The following PLD5 variants were observed in gnomAD, a reference collection of about 807,000 sequenced individuals.
PLD5 encodes phospholipase D family member 5.
A neutral mutation model predicts 61.1 loss-of-function variants in PLD5; 36 were observed. That is an observed-to-expected ratio of 0.59 (90% CI 0.45 to 0.78). The LOEUF (loss-of-function observed/expected upper bound fraction) is 0.78. Ranked by LOEUF, PLD5 falls within the 30% of genes least tolerant of loss-of-function variation. The pLI is 0.00. For missense variants in PLD5, 515 were observed against 644.4 expected, an observed-to-expected ratio of 0.80 and a Z score of 2.17; for synonymous variants, 243 against 242.8, an observed-to-expected ratio of 1.00 and a Z score of -0.01.
chr1:242,292,409 T>A (rs921544112), intron 2 of PLD5, among the ~76,000 whole-genome samples: 23 of 152,186 alleles, frequency 1.5e-4, no homozygotes, highest in African/African-American at 5.3e-4. Flanking sequence ...GAAGCCCAGA[T>A]AAACCAAACA....
chr1:242,167,113 AAT>A (rs199764889), intron 5 of PLD5, among the ~76,000 whole-genome samples: 4,443 of 142,526 alleles, frequency 0.031, 146 homozygotes, highest in African/African-American at 0.087. Context: ...TAATAATAAT[AAT>A]AAATAGTAGC....
At chr1:242,439,035 T>C (rs1420180232) in intron 1 of PLD5, among the ~76,000 whole-genome samples, 1 of 152,220 alleles carries the variant, frequency 6.6e-6, no homozygotes, top group East Asian at 1.9e-4. Flanking sequence ...TTTAGTTCCC[T>C]CATGTTTGTT....
intron 9 of PLD5, among the ~76,000 whole-genome samples, chr1:242,100,234 G>T (rs1463314239): frequency 6.6e-6 from 1 of 152,146 alleles, no homozygotes; most frequent in Non-Finnish European, 1.5e-5. Flanking sequence ...GCAGGGATGG[G>T]ATAATTGGCT....
At chr1:242,161,311 C>T (rs1665806528) in intron 5 of PLD5, among the ~76,000 whole-genome samples, 1 of 151,988 alleles carries the variant, frequency 6.6e-6, no homozygotes, top group African/African-American at 2.4e-5. Flanking sequence ...TTTATAAAAC[C>T]ATCAGATCTC....
intron 4 of PLD5, among the ~76,000 whole-genome samples, chr1:242,258,672 G>T (rs1574625528): frequency 6.6e-6 from 1 of 152,166 alleles, no homozygotes; most frequent in South Asian, 2.1e-4. Context: ...TTTGAGGAAA[G>T]AATACAAGAT....
At position 242,256,046 on chromosome 1, in the gene PLD5, C is replaced by G. The variant is rs1266790904; in HGVS notation, c.607+9291G>C. Among the ~76,000 whole-genome samples the G allele has an allele frequency of 2.6e-5, 4 of 152,184 alleles. No individual in the cohort carries two copies. Among genetic ancestry groups the G allele is most frequent in the Non-Finnish European group, 4.4e-5 (3 of 68,038 alleles). On this transcript the variant is annotated intron_variant, in intron 4 of 9. Coordinates refer to ENST00000536534, the MANE Select transcript of PLD5 (RefSeq NM_001372062.1). The surrounding 1 kb of genome is among the most constrained non-coding windows in gnomAD (Gnocchi z 5.7). ...GGTCCCTGTGGCTATTGGTTATTCA[C>G]TAATATGGGTAAGGCTCTGTCTAAT...
intron 2 of PLD5, among the ~76,000 whole-genome samples, chr1:242,300,761 TTGCAGC>T (rs1675993700): frequency 1.3e-5 from 2 of 151,236 alleles, no homozygotes; most frequent in South Asian, 2.1e-4. Flanking sequence ...GGGACAAGGG[TTGCAGC>T]GGGAGAACAA....
chr1:242,097,192 T>C (rs1660316866), intron 9 of PLD5, among the ~76,000 whole-genome samples: 1 of 152,222 alleles, frequency 6.6e-6, no homozygotes. Flanking sequence ...CTATTGTGAA[T>C]AGTGCCACAA....
At chr1:242,492,522 C>A (rs1424577618) in intron 1 of PLD5, among the ~76,000 whole-genome samples, 109 of 122,316 alleles carry the variant, frequency 8.9e-4, no homozygotes, top group African/African-American at 8.4e-4. Context: ...AACTCCGTCT[C>A]AAAAAAAAAA....
intron 1 of PLD5, among the ~76,000 whole-genome samples, chr1:242,375,059 G>A (rs1350786483): frequency 6.6e-6 from 1 of 152,126 alleles, no homozygotes; most frequent in Non-Finnish European, 1.5e-5. Context: ...ACACCTGGCT[G>A]TCATTCCCTG....
intron 2 of PLD5, among the ~76,000 whole-genome samples, chr1:242,328,279 TTATA>T (rs1231195117): frequency 1.3e-5 from 2 of 151,784 alleles, no homozygotes; most frequent in South Asian, 2.1e-4. Context: ...CACATATATA[TTATA>T]TATATGTATG....
intron 5 of PLD5, among the ~76,000 whole-genome samples, chr1:242,194,566 A>ATATCTATCTATCTATCTATCTATCTATC (rs201221980): frequency 1.5e-4 from 19 of 124,056 alleles, no homozygotes; most frequent in Middle Eastern, 3.9e-3. Flanking sequence ...AGCTATCTCT[A>ATATCTATCTATCTATCTATCTATCTATC]TATCTATCTA....
At chr1:242,192,583 A>G (rs1256854258) in intron 5 of PLD5, among the ~76,000 whole-genome samples, 2 of 152,346 alleles carry the variant, frequency 1.3e-5, no homozygotes, top group East Asian at 3.9e-4. Flanking sequence ...TTTCCTCCAA[A>G]ACACTTTTCC....
chr1:242,443,178 G>T (rs1666354112), intron 1 of PLD5, among the ~76,000 whole-genome samples: 1 of 151,736 alleles, frequency 6.6e-6, no homozygotes, highest in Non-Finnish European at 1.5e-5. Context: ...TTCCCTATCA[G>T]GTATTTTATC....
At chr1:242,380,020 C>A (rs1479625541) in intron 1 of PLD5, among the ~76,000 whole-genome samples, 1 of 152,128 alleles carries the variant, frequency 6.6e-6, no homozygotes, top group African/African-American at 2.4e-5. Context: ...TGGCCTTTAG[C>A]CTAAGAACAA....
chr1:242,483,067 A>C (rs574721219), intron 1 of PLD5, among the ~76,000 whole-genome samples: 2 of 152,350 alleles, frequency 1.3e-5, no homozygotes, highest in African/African-American at 4.8e-5. Flanking sequence ...AGCACTAAAC[A>C]TGGAAAGGAA....
intron 6 of PLD5, among the ~76,000 whole-genome samples, chr1:242,115,383 A>G (rs891072579): frequency 2.0e-5 from 3 of 152,022 alleles, no homozygotes; most frequent in Non-Finnish European, 4.4e-5. Flanking sequence ...ATATCCACTA[A>G]CAAATCTTTC....
chr1:242,496,376 C>T (rs962175333), intron 1 of PLD5, among the ~76,000 whole-genome samples: 5 of 152,210 alleles, frequency 3.3e-5, no homozygotes, highest in Non-Finnish European at 5.9e-5. Context: ...CACAGATTGA[C>T]ATCCCTTTCA....
At chr1:242,245,653 C>T (rs376388193) in intron 4 of PLD5, among the ~76,000 whole-genome samples, 5 of 152,304 alleles carry the variant, frequency 3.3e-5, no homozygotes, top group East Asian at 3.9e-4. Context: ...TCACATTCAA[C>T]ATTCATAAGT....
Sources: allele counts gnomAD v4.1 joint callset (sites outside exome capture counted in the v4.1 genomes callset), GRCh38; gene constraint gnomAD v4.1.1; non-coding constraint Gnocchi (gnomAD v3.1); transcripts MANE v1.5; gene names NCBI Gene and HGNC (gene_info 2026-07-23, HGNC 2026-07-21).